The following UBR4 variants were observed in gnomAD, a reference collection of about 807,000 sequenced individuals.
UBR4 encodes the protein E3 ubiquitin-protein ligase UBR4.
In UBR4, 124 loss-of-function variants were observed where a neutral mutation model predicts 575.6. The ratio of observed to expected loss-of-function variants is 0.22; its 90% CI spans 0.19 to 0.25. UBR4 has a LOEUF of 0.25. Among genes scored for constraint, UBR4 ranks in the 10% least tolerant of loss-of-function variants. The probability of loss-of-function intolerance (pLI) is 1.00; values close to 1 mark genes in which losing one functional copy is unlikely to be tolerated. For synonymous variants in UBR4, 2,455 were observed against 2,473.7 expected, an observed-to-expected ratio of 0.99 and a Z score of 0.22; for missense variants, 4,818 against 6,478.8, an observed-to-expected ratio of 0.74 and a Z score of 8.80.
chr1:19,196,884 T>G (rs1156845170), intron 8 of UBR4, among the ~76,000 whole-genome samples: 3 of 152,236 alleles, frequency 2.0e-5, no homozygotes, highest in African/African-American at 7.2e-5. Context: ...GCAATTTGCT[T>G]TTCATATAGT....
intron 59 of UBR4, among the ~76,000 whole-genome samples, chr1:19,138,833 C>T (rs2083489222): frequency 6.6e-6 from 1 of 152,016 alleles, no homozygotes; most frequent in Non-Finnish European, 1.5e-5. Context: ...GCTTTTTTTC[C>T]ACTAACAGAT....
At position 19,144,806 on chromosome 1, in the gene UBR4, T is replaced by A. The variant is rs765221307; in HGVS notation, c.8047A>T (p.Met2683Leu). 6.2e-7 allele frequency: 1 copy of A among 1,614,208 alleles called. No individual in the cohort carries two copies. The highest frequency in any genetic ancestry group is 8.5e-7 in the Non-Finnish European group (1 of 1,180,020). Residue 2683 changes from methionine to leucine, a missense_variant, in exon 54 of 106, where the codon ATG becomes TTG. Met to Leu is a conservative substitution (Grantham distance 15, BLOSUM62 2). Coordinates refer to ENST00000375254, the MANE Select transcript of UBR4 (RefSeq NM_020765.3). ...CGTACAGGACACAAGAGCATCTGCA[T>A]GTAGATCTTGGATGCTGTGTTAATA... ...DCINTASKIY[M>L]QMLLCPDPAV... is the part of the protein sequence containing the mutation.
In UBR4 at chr1:19,194,285, G is replaced by C. The variant is rs902065758; in HGVS notation, c.1019-728C>G. The stretch of plus-strand genomic sequence containing the variant: ...CTGATAAGAGAAACTAGCTATAAGG[G>C]AGAAGGAGGATATGCGAACTCTATG... On this transcript the variant is annotated intron_variant, in intron 8 of 105. Coordinates refer to ENST00000375254, the MANE Select transcript of UBR4 (RefSeq NM_020765.3). Among the ~76,000 whole-genome samples the C allele has an allele frequency of 2.6e-5, 4 of 152,260 alleles. 1 individual carries two copies. The South Asian group carries it at 8.3e-4, about 32-fold the overall frequency.
At position 19,110,312 on chromosome 1, in the gene UBR4, C is replaced by T. The variant is rs2149276554; in HGVS notation, c.11977+68G>A. 8.1e-6 allele frequency: 13 copies of T among 1,612,804 alleles called. No individual in the cohort carries two copies. Among genetic ancestry groups the T allele is most frequent in the Non-Finnish European group, 1.1e-5 (13 of 1,178,964 alleles). ...CGCCCAAGCATCAGTTTCCCTCCTCCCCTCCCAGTCCGGCCAGGACTGCTC... is the reference window on the plus strand; with the variant it reads ...CGCCCAAGCATCAGTTTCCCTCCTCTCCTCCCAGTCCGGCCAGGACTGCTC... On this transcript the variant is annotated intron_variant, in intron 80 of 105. Transcript: ENST00000375254. The surrounding 1 kb of genome is among the most constrained non-coding windows in gnomAD (Gnocchi z 4.5).
chr1:19,091,854 C>T (rs543008449), intron 97 of UBR4, among the ~76,000 whole-genome samples: 21 of 152,254 alleles, frequency 1.4e-4, no homozygotes, highest in African/African-American at 4.6e-4. Context: ...CACACAAAAA[C>T]CTGCACACAA....
Position 19,088,025 on chromosome 1 carries a change from T to A in UBR4, c.14431-96A>T. 1 of 930,346 alleles carries A rather than the reference T, an allele frequency of 1.1e-6. No homozygotes were observed. Among genetic ancestry groups the A allele is most frequent in the Non-Finnish European group, 1.7e-6 (1 of 591,170 alleles). 57.6% of individuals were successfully genotyped at this position (930,346 alleles called of 1,614,324 possible). ...TCAGGAACAGGGCTAACCTTCTACC[T>A]CCACTAAAAGGACAGGTGCATGAGA... is the stretch of plus-strand genomic sequence containing the variant. On this transcript the variant is annotated intron_variant, in intron 98 of 105. Coordinates refer to ENST00000375254, the MANE Select transcript of UBR4 (RefSeq NM_020765.3). This position sits in a 1 kb window ranked among gnomAD's most constrained non-coding sequence, Gnocchi z 4.0.
intron 64 of UBR4, among the ~76,000 whole-genome samples, chr1:19,126,091 G>A (rs766724134): frequency 2.0e-5 from 3 of 152,106 alleles, no homozygotes; most frequent in South Asian, 2.1e-4. Context: ...TAATAAGTAC[G>A]TTAAAGGGCC....
intron 67 of UBR4, among the ~76,000 whole-genome samples, 172 bp from the exon 68 acceptor site, chr1:19,121,606 A>G (rs995536212): frequency 2.6e-5 from 4 of 152,156 alleles, no homozygotes; most frequent in Admixed American, 1.3e-4. Context: ...AAATCTCTGA[A>G]AAGTATTTTA....
At chr1:19,111,975 T>G (rs2079936895) in intron 78 of UBR4, 1 of 152,242 alleles carries the variant, frequency 6.6e-6, no homozygotes, top group South Asian at 2.1e-4. Flanking sequence ...AGGCTGGTCT[T>G]GAACTCCTGA....
At chr1:19,193,763 A>ACG (rs1042385067) in intron 8 of UBR4, among the ~76,000 whole-genome samples, 3 of 152,132 alleles carry the variant, frequency 2.0e-5, no homozygotes, top group Non-Finnish European at 2.9e-5. Context: ...GAAAACTTAC[A>ACG]CGCGCGCACA....
chr1:19,151,943 A>T (rs2085780959), intron 47 of UBR4, 84 bp from the exon 48 acceptor site: 2 of 1,246,548 alleles, frequency 1.6e-6, no homozygotes, highest in Non-Finnish European at 1.1e-6. Context: ...ACATTGTCTC[A>T]ACATGTGAAG....
intron 29 of UBR4, 151 bp downstream of exon 29, chr1:19,166,870 TG>T: frequency 2.3e-6 from 2 of 853,268 alleles, no homozygotes; most frequent in South Asian, 1.8e-5. Context: ...CACTCCACCC[TG>T]GGCGACAGAG....
At position 19,149,012 on chromosome 1, in the gene UBR4, G is replaced by A. The variant is rs192362840; in HGVS notation, c.7431-386C>T. On this transcript the variant is annotated intron_variant, in intron 49 of 105. Transcript: ENST00000375254. ...ATCAGTGGGCAAAAGGACACACAAA[G>A]GGAAAGGTAAAAACCATCCTCTTAT... Among the ~76,000 whole-genome samples the A allele has an allele frequency of 7.9e-5, 12 of 152,306 alleles. No homozygotes were observed. In the East Asian group the frequency reaches 2.3e-3, roughly 29 times the overall value.
rs986360515 is a variant in UBR4, at chr1:19,150,471, C to T, written c.7430+106G>A. The T allele has an allele frequency of 3.1e-6, 4 of 1,304,354 alleles. No homozygotes were observed. The African/African-American group carries it at 5.9e-5, about 19-fold the overall frequency. 80.8% of individuals were successfully genotyped at this position (1,304,354 alleles called of 1,614,324 possible). On this transcript the variant is annotated intron_variant, in intron 49 of 105. Coordinates refer to ENST00000375254, the MANE Select transcript of UBR4 (RefSeq NM_020765.3). ...TATGAAAACTTAAAAAAATTCCAGG[C>T]TAGCCTTGAGATGGTTATTAGAAGC...
In UBR4 at chr1:19,100,348, G is replaced by A. The variant is rs762740815; in HGVS notation, c.13221+28C>T. Reference sequence around the variant, plus strand: ...TAGGAGGAAGCCCCTAATCGTAAACGTGGGCAGCACTGTCCTATGGTCATT... The same window carrying A: ...TAGGAGGAAGCCCCTAATCGTAAACATGGGCAGCACTGTCCTATGGTCATT... On this transcript the variant is annotated intron_variant, in intron 89 of 105. Transcript: ENST00000375254. The surrounding 1 kb of genome is among the most constrained non-coding windows in gnomAD (Gnocchi z 4.2). The A allele has an allele frequency of 6.2e-6, 10 of 1,612,248 alleles. No individual in the cohort carries two copies. The East Asian group carries it at 1.6e-4, about 25-fold the overall frequency.
Position 19,139,190 on chromosome 1 carries a change from G to A in UBR4, c.8624C>T (p.Ala2875Val), listed in dbSNP as rs1320922533. The A allele has an allele frequency of 1.2e-6, 2 of 1,613,592 alleles. No individual in the cohort carries two copies. The highest frequency in any genetic ancestry group is 1.3e-5 in the African/African-American group (1 of 74,906). The change falls in exon 59 of 106, where the codon GCA (alanine) becomes GTA (valine). Residue 2875 changes from alanine (A) to valine (V), a missense_variant. Physicochemically the swap from Ala to Val is moderately conservative, Grantham distance 64. Around this residue, in one of 29 missense-constraint regions of UBR4, gnomAD observed 57 missense variants for 101.5 expected, o/e 0.56. Coordinates refer to ENST00000375254, the MANE Select transcript of UBR4 (RefSeq NM_020765.3). The surrounding 1 kb of genome is among the most constrained non-coding windows in gnomAD (Gnocchi z 4.2). ...APASDDEGST[A>V]ATDGSTLRTS... ...CCGAAGGGTAGAACCATCTGTCGCTGCTGTACTGCCCTCGTCGTCTGAGGC... is the reference window on the plus strand; with the variant it reads ...CCGAAGGGTAGAACCATCTGTCGCTACTGTACTGCCCTCGTCGTCTGAGGC...
At chr1:19,174,490 G>C (rs1322243900) in intron 21 of UBR4, 43 bp from the exon 22 acceptor site, 13 of 1,595,446 alleles carry the variant, frequency 8.1e-6, no homozygotes, top group South Asian at 2.2e-5. Flanking sequence ...TACTTTTAAA[G>C]TATTTTTTCC....
intron 49 of UBR4, 65 bp downstream of exon 49, chr1:19,150,512 A>C: frequency 6.4e-7 from 1 of 1,552,454 alleles, no homozygotes; most frequent in Non-Finnish European, 8.9e-7. Context: ...CTCTCAAGAC[A>C]CAGGAAGGTT....
chr1:19,101,839 A>AC (rs1354887820), intron 87 of UBR4, among the ~76,000 whole-genome samples, 198 bp from the exon 88 acceptor site: 3 of 152,186 alleles, frequency 2.0e-5, no homozygotes, highest in African/African-American at 7.2e-5. Context: ...TCAGTTTGAA[A>AC]CCCATAACAC....
Sources: allele counts gnomAD v4.1 joint callset (sites outside exome capture counted in the v4.1 genomes callset), GRCh38; gene constraint gnomAD v4.1.1; regional missense constraint gnomAD v4.1.1; non-coding constraint Gnocchi (gnomAD v3.1); transcripts MANE v1.5; gene names NCBI Gene and HGNC (gene_info 2026-07-23, HGNC 2026-07-21).